Variants in VPS37A observed in about 807,000 individuals in gnomAD.
VPS37A encodes the protein vacuolar protein sorting-associated protein 37A.
VPS37A carries 30 observed loss-of-function variants against 49.8 expected under a neutral mutation model. The observed-to-expected ratio is 0.60, with a 90% CI of 0.45 to 0.82. The LOEUF (loss-of-function observed/expected upper bound fraction) is 0.82, where lower values mean the gene tolerates loss of function less well. Among genes scored for constraint, VPS37A ranks in the 40% least tolerant of loss-of-function variants. The pLI is 0.00. For synonymous variants in VPS37A, 195 were observed against 160.6 expected, an observed-to-expected ratio of 1.21 and a Z score of -1.62; for missense variants, 593 against 464.4, an observed-to-expected ratio of 1.28 and a Z score of -2.55.
intron 4 of VPS37A, among the ~76,000 whole-genome samples, chr8:17,272,487 C>T (rs1325151698): frequency 6.6e-6 from 1 of 152,128 alleles, no homozygotes; most frequent in Non-Finnish European, 1.5e-5. Flanking sequence ...GACAAGTTTA[C>T]TTGTTTTCAT....
chr8:17,311,512 A>G, the VPS37A span: 3 of 1,614,130 alleles, frequency 1.9e-6, no homozygotes, highest in Non-Finnish European at 1.7e-6. Flanking sequence ...CACACTCACC[A>G]TGAAGCCCTT....
chr8:17,259,514 G>T (rs538892077), intron 1 of VPS37A, among the ~76,000 whole-genome samples: 1 of 152,256 alleles, frequency 6.6e-6, no homozygotes, highest in East Asian at 1.9e-4. Context: ...TCTGGAGAAT[G>T]TTCCATGTGC....
chr8:17,275,281 G>A (rs1359458745), intron 5 of VPS37A, among the ~76,000 whole-genome samples: 3 of 152,090 alleles, frequency 2.0e-5, no homozygotes, highest in Admixed American at 6.5e-5. Flanking sequence ...CTTTCTTAGT[G>A]CCTCAAATAT....
chr8:17,246,993 G>T lies in VPS37A; in HGVS notation c.-252G>T. On this transcript the variant is annotated 5_prime_UTR_variant, in exon 1 of 12. Transcript: ENST00000324849. ...CAGGCTCCCTGGCTGGCCGGTTTGG[G>T]CGTCTGGGCCGTGAAGGTGGGACCT... The T allele has an allele frequency of 2.0e-6, 1 of 509,456 alleles. No individual in the cohort carries two copies. The highest frequency in any genetic ancestry group is 3.5e-6 in the Non-Finnish European group (1 of 287,376). The allele number at this position is 509,456 out of a possible 1,614,324, so 31.6% of individuals were successfully genotyped here.
At chr8:17,321,858 T>TA in the VPS37A span, among the ~76,000 whole-genome samples, 3 of 152,164 alleles carry the variant, frequency 2.0e-5, no homozygotes, top group Admixed American at 1.3e-4. Context: ...TAAACTACAG[T>TA]AAAAAAATAA....
At chr8:17,290,191 T>G (rs1816006926) in intron 11 of VPS37A, among the ~76,000 whole-genome samples, 1 of 152,192 alleles carries the variant, frequency 6.6e-6, no homozygotes, top group African/African-American at 2.4e-5. Flanking sequence ...TACCTTTATT[T>G]CTTTTTCTTG....
At chr8:17,302,243 T>C (rs760120762), downstream of VPS37A, 1 of 1,613,964 alleles carries the variant, frequency 6.2e-7, no homozygotes, top group Admixed American at 1.7e-5. Flanking sequence ...CGGGGCTGCA[T>C]CCCCTTTTCA....
chr8:17,271,449 C>G (rs1028826243), intron 4 of VPS37A, among the ~76,000 whole-genome samples: 1 of 152,042 alleles, frequency 6.6e-6, no homozygotes, highest in Non-Finnish European at 1.5e-5. Context: ...ACTAAAAATA[C>G]AAAAAAGTTA....
chr8:17,247,641 AAT>A, intron 1 of VPS37A: 1 of 704,132 alleles, frequency 1.4e-6, no homozygotes, highest in Non-Finnish European at 2.6e-6. Context: ...GTAATCTCTC[AAT>A]CTCTCTCATA....
At chr8:17,323,020 T>C in the VPS37A span, among the ~76,000 whole-genome samples, 1 of 147,734 alleles carries the variant, frequency 6.8e-6, no homozygotes, top group Non-Finnish European at 1.5e-5. Flanking sequence ...TGATCTCGGC[T>C]CACTGTAACC....
rs987287344 is a variant in VPS37A, at chr8:17,297,557, T to TATTTA, written c.*2572_*2576dup. ...CTGGGTCATGGTCAAAATTCTTACC[T>TATTTA]ATTTATTTCATATCAACTTTAAAAA... is the stretch of plus-strand genomic sequence containing the variant. On this transcript the variant is annotated 3_prime_UTR_variant, in exon 12 of 12. Coordinates refer to ENST00000324849, the MANE Select transcript of VPS37A (RefSeq NM_152415.3). 1 of 47,612 alleles carries TATTTA rather than the reference T, an allele frequency of 2.1e-5. No individual in the cohort carries two copies. The highest frequency in any genetic ancestry group is 3.4e-5 in the Non-Finnish European group (1 of 29,028). 2.9% of individuals were successfully genotyped at this position (47,612 alleles called of 1,614,324 possible). A position where few individuals can be genotyped will look rare whatever the true frequency, so the allele number is the denominator to read the frequency against.
the VPS37A span, among the ~76,000 whole-genome samples, chr8:17,327,721 C>G: frequency 6.6e-5 from 10 of 151,638 alleles, no homozygotes; most frequent in East Asian, 1.5e-3. Flanking sequence ...ATTTAGAGCA[C>G]TAGTTTTACC....
At chr8:17,321,657 T>C in the VPS37A span, among the ~76,000 whole-genome samples, 3 of 152,224 alleles carry the variant, frequency 2.0e-5, no homozygotes, top group Non-Finnish European at 2.9e-5. Flanking sequence ...GAAATACTTA[T>C]TTGTTCACTC....
chr8:17,271,973 CTT>C (rs1453455977), intron 4 of VPS37A: 2 of 456,624 alleles, frequency 4.4e-6, no homozygotes, highest in South Asian at 1.5e-5. Context: ...ATTTCTCTCT[CTT>C]CTCACATTTT....
At chr8:17,266,141 A>G (rs1415162267) in intron 2 of VPS37A, among the ~76,000 whole-genome samples, 160 bp downstream of exon 2, 1 of 152,242 alleles carries the variant, frequency 6.6e-6, no homozygotes, top group African/African-American at 2.4e-5. Flanking sequence ...TTCGAAAGCT[A>G]TCACTGTTAT....
chr8:17,315,830 A>G, the VPS37A span, among the ~76,000 whole-genome samples: 4 of 152,170 alleles, frequency 2.6e-5, no homozygotes, highest in East Asian at 7.7e-4. Context: ...TATATAAAGT[A>G]GTGAGACTCA....
At chr8:17,255,407 G>A (rs774138403) in intron 1 of VPS37A, among the ~76,000 whole-genome samples, 3 of 152,156 alleles carry the variant, frequency 2.0e-5, no homozygotes, top group Non-Finnish European at 4.4e-5. Context: ...CGTGAACCTG[G>A]GAGGCAGAGG....
At chr8:17,277,712 T>G (rs1235747022) in intron 6 of VPS37A, among the ~76,000 whole-genome samples, 1 of 152,134 alleles carries the variant, frequency 6.6e-6, no homozygotes, top group East Asian at 1.9e-4. Flanking sequence ...TAATATTACC[T>G]TATTTCTCCA....
At chr8:17,247,980 C>T in intron 1 of VPS37A, 1 of 563,476 alleles carries the variant, frequency 1.8e-6, no homozygotes, top group Non-Finnish European at 3.1e-6. Context: ...TGTCCCCACG[C>T]TCAAGAATTA....
Sources: allele counts gnomAD v4.1 joint callset (sites outside exome capture counted in the v4.1 genomes callset), GRCh38; gene constraint gnomAD v4.1.1; transcripts MANE v1.5; gene names NCBI Gene and HGNC (gene_info 2026-07-23, HGNC 2026-07-21).